SPMIP6: variants seen among roughly 807,000 people sequenced by gnomAD.
SPMIP6 encodes the protein ciliated bronchial epithelial protein 1.
the SPMIP6 span, among the ~76,000 whole-genome samples, chr9:34,388,646 CTTAT>C: frequency 5.3e-5 from 8 of 152,110 alleles, no homozygotes; most frequent in African/African-American, 1.9e-4. Context: ...TCAGTTACTA[CTTAT>C]TTATCATCTT....
At chr9:34,393,718 CTTCTCA>C in the SPMIP6 span, among the ~76,000 whole-genome samples, 3 of 151,730 alleles carry the variant, frequency 2.0e-5, no homozygotes, top group Admixed American at 1.3e-4. Context: ...TTTGTGGGAT[CTTCTCA>C]TTCTGTCTTT....
the SPMIP6 span, chr9:34,380,790 CA>C: frequency 6.5e-7 from 1 of 1,542,342 alleles, no homozygotes; most frequent in Non-Finnish European, 8.7e-7. Context: ...GGGGCTAGAG[CA>C]GGCTGGGGGC....
chr9:34,379,139 T>C, the SPMIP6 span: 1 of 1,613,962 alleles, frequency 6.2e-7, no homozygotes, highest in Non-Finnish European at 8.5e-7. The surrounding 1 kb of genome is among the most constrained non-coding windows in gnomAD (Gnocchi z 4.2). Context: ...CATAGTTGTT[T>C]CTCTGGGGAC....
the SPMIP6 span, chr9:34,380,927 C>T: frequency 4.1e-5 from 66 of 1,596,644 alleles, no homozygotes; most frequent in Non-Finnish European, 5.4e-5. Flanking sequence ...GCACCAAGGC[C>T]GCAGGCGGCG....
chr9:34,393,830 C>T, the SPMIP6 span, among the ~76,000 whole-genome samples: 1 of 152,094 alleles, frequency 6.6e-6, no homozygotes, highest in African/African-American at 2.4e-5. Flanking sequence ...TTTCACTGGA[C>T]TTTTCAGCTG....
At chr9:34,394,875 T>G in the SPMIP6 span, among the ~76,000 whole-genome samples, 1 of 152,244 alleles carries the variant, frequency 6.6e-6, no homozygotes, top group Middle Eastern at 3.4e-3. Context: ...AAAATTAATT[T>G]TTATTCAGAA....
At chr9:34,381,396 G>GAGCGTTCCAAGGGCATTCCA in the SPMIP6 span, 1 of 1,614,092 alleles carries the variant, frequency 6.2e-7, no homozygotes, top group East Asian at 2.2e-5. This position sits in a 1 kb window ranked among gnomAD's most constrained non-coding sequence, Gnocchi z 4.4. Flanking sequence ...TCCGGCCTAG[G>GAGCGTTCCAAGGGCATTCCA]AGGGCATTCC....
chr9:34,386,699 G>T, the SPMIP6 span, among the ~76,000 whole-genome samples: 1 of 152,072 alleles, frequency 6.6e-6, no homozygotes, highest in Non-Finnish European at 1.5e-5. Context: ...ATTTGGCCTG[G>T]TCCTCACCCT....
the SPMIP6 span, chr9:34,381,181 G>T: frequency 6.4e-7 from 1 of 1,554,644 alleles, no homozygotes; most frequent in South Asian, 1.2e-5. This position sits in a 1 kb window ranked among gnomAD's most constrained non-coding sequence, Gnocchi z 4.4. Context: ...GATGCACAGG[G>T]ATGGGAAGAG....
chr9:34,379,580 C>T, the SPMIP6 span: 19 of 1,419,652 alleles, frequency 1.3e-5, no homozygotes, highest in Admixed American at 3.2e-4. This position sits in a 1 kb window ranked among gnomAD's most constrained non-coding sequence, Gnocchi z 4.2. Flanking sequence ...AGACATCCTC[C>T]CCCAGCCCCG....
chr9:34,389,466 T>C, the SPMIP6 span, among the ~76,000 whole-genome samples: 1 of 152,212 alleles, frequency 6.6e-6, no homozygotes, highest in South Asian at 2.1e-4. Context: ...TTTTAAAAAG[T>C]TTATTGAAGT....
the SPMIP6 span, chr9:34,379,694 C>T: frequency 0.2 from 325,157 of 1,613,080 alleles, 34,686 homozygotes; most frequent in South Asian, 0.25. The surrounding 1 kb of genome is among the most constrained non-coding windows in gnomAD (Gnocchi z 4.2). Flanking sequence ...TGTAACAGCA[C>T]ACTGCATTCC....
the SPMIP6 span, among the ~76,000 whole-genome samples, chr9:34,389,702 G>A: frequency 1.3e-5 from 2 of 152,054 alleles, no homozygotes; most frequent in Non-Finnish European, 2.9e-5. Context: ...TCCCATTCGT[G>A]AGCATGTTAT....
the SPMIP6 span, among the ~76,000 whole-genome samples, chr9:34,391,149 A>G: frequency 2.0e-5 from 3 of 152,200 alleles, no homozygotes; most frequent in South Asian, 4.2e-4. Context: ...ATTTTTTCCA[A>G]TTCTTGAATT....
At chr9:34,382,877 A>G in the SPMIP6 span, 1 of 1,559,732 alleles carries the variant, frequency 6.4e-7, no homozygotes, top group Non-Finnish European at 8.8e-7. Flanking sequence ...CTGCTGGATA[A>G]TAGGGGTGGA....
chr9:34,397,065 C>G, the SPMIP6 span, among the ~76,000 whole-genome samples: 1 of 152,164 alleles, frequency 6.6e-6, no homozygotes, highest in Non-Finnish European at 1.5e-5. Context: ...AGCCTCAGGG[C>G]CTTTGCACTT....
the SPMIP6 span, among the ~76,000 whole-genome samples, chr9:34,388,344 G>A: frequency 4.6e-5 from 7 of 151,246 alleles, no homozygotes; most frequent in African/African-American, 1.7e-4. Flanking sequence ...TGGAGACGGG[G>A]TTTCACCATG....
the SPMIP6 span, chr9:34,380,783 G>A: frequency 4.8e-5 from 74 of 1,544,750 alleles, no homozygotes; most frequent in Non-Finnish European, 6.3e-5. Context: ...GCAGCGCGGG[G>A]CTAGAGCAGG....
the SPMIP6 span, among the ~76,000 whole-genome samples, chr9:34,389,094 G>A: frequency 6.6e-6 from 1 of 151,912 alleles, no homozygotes; most frequent in South Asian, 2.1e-4. Flanking sequence ...ACCACACCCA[G>A]CTGATTTTTT....
Sources: allele counts gnomAD v4.1 joint callset (sites outside exome capture counted in the v4.1 genomes callset), GRCh38; gene constraint gnomAD v4.1.1; non-coding constraint Gnocchi (gnomAD v3.1); transcripts MANE v1.5; gene names NCBI Gene and HGNC (gene_info 2026-07-23, HGNC 2026-07-21).